The following PPP1R8 variants were observed in gnomAD, a reference collection of about 807,000 sequenced individuals.
The protein encoded by PPP1R8 is protein phosphatase 1 regulatory subunit 8.
PPP1R8 carries 4 observed loss-of-function variants against 31.3 expected under a neutral mutation model. That is an observed-to-expected ratio of 0.13 (90% CI 0.06 to 0.29). The LOEUF is 0.29. Ranked by LOEUF, PPP1R8 falls within the 10% of genes least tolerant of loss-of-function variation. PPP1R8 has a pLI of 1.00. For missense variants in PPP1R8, 254 were observed against 440.1 expected (o/e 0.58, Z 3.78); for synonymous variants, 170 against 169.7 (o/e 1.00, Z -0.01).
intron 1 of PPP1R8, among the ~76,000 whole-genome samples, 199 bp from the exon 2 acceptor site, chr1:27,832,557 G>A (rs765794814): frequency 2.0e-5 from 3 of 152,144 alleles, no homozygotes; most frequent in Non-Finnish European, 2.9e-5. Flanking sequence ...AAAATCTGTT[G>A]CAGAGCAATT....
chr1:27,847,461 C>T (rs1298868124), intron 6 of PPP1R8, among the ~76,000 whole-genome samples: 1 of 147,986 alleles, frequency 6.8e-6, no homozygotes, highest in South Asian at 2.1e-4. Context: ...GAGCTGAGGT[C>T]GCACCATTGC....
intron 3 of PPP1R8, among the ~76,000 whole-genome samples, chr1:27,840,071 A>G (rs184642412): frequency 8.5e-5 from 13 of 152,298 alleles, no homozygotes; most frequent in African/African-American, 2.9e-4. Flanking sequence ...AAAAATAAAA[A>G]TAAAATACTC....
intron 6 of PPP1R8, 126 bp downstream of exon 6, chr1:27,847,218 A>T: frequency 1.1e-6 from 1 of 923,744 alleles, no homozygotes; most frequent in South Asian, 1.4e-5. Flanking sequence ...AGAGGTCAAG[A>T]AATCGAGGCC....
At chr1:27,831,104 G>C (rs1435081194) in intron 1 of PPP1R8, 1 of 1,356,236 alleles carries the variant, frequency 7.4e-7, no homozygotes, top group Non-Finnish European at 9.4e-7. Context: ...CCCGGGGTTG[G>C]GGGCTCAAAG....
chr1:27,846,860 C>T (rs1003150243), intron 5 of PPP1R8, among the ~76,000 whole-genome samples, 168 bp from the exon 6 acceptor site: 3 of 152,244 alleles, frequency 2.0e-5, no homozygotes, highest in African/African-American at 7.2e-5. Context: ...GTACCTACAT[C>T]ACAGGGTCTT....
intron 1 of PPP1R8, among the ~76,000 whole-genome samples, chr1:27,831,917 CA>C (rs1186873736): frequency 1.3e-5 from 2 of 152,152 alleles, no homozygotes; most frequent in African/African-American, 4.8e-5. Context: ...TTAGCAAACC[CA>C]AAAAGCAAGC....
chr1:27,832,391 A>G (rs1377688268), intron 1 of PPP1R8, among the ~76,000 whole-genome samples: 1 of 152,178 alleles, frequency 6.6e-6, no homozygotes, highest in Non-Finnish European at 1.5e-5. Flanking sequence ...CGGTCTTTAT[A>G]TGATATTGGA....
In PPP1R8 at chr1:27,847,014, T is replaced by C. The variant is rs2089287718; in HGVS notation, c.638-14T>C. ...AAAGTACCAACCCAACCCTGCCCTCTTCTCTTTTTGCAGAGGATGTGGATC... is the reference window on the plus strand; with the variant it reads ...AAAGTACCAACCCAACCCTGCCCTCCTCTCTTTTTGCAGAGGATGTGGATC... On this transcript the variant is annotated splice_polypyrimidine_tract_variant and intron_variant, in intron 5 of 6. Transcript: ENST00000311772. 1 of 1,613,262 alleles carries C rather than the reference T, an allele frequency of 6.2e-7. No homozygotes were observed. Among genetic ancestry groups the C allele is most frequent in the African/African-American group, 1.3e-5 (1 of 74,916 alleles).
At chr1:27,845,286 A>T (rs1282558269) in intron 5 of PPP1R8, among the ~76,000 whole-genome samples, 1 of 150,488 alleles carries the variant, frequency 6.6e-6, no homozygotes, top group Non-Finnish European at 1.5e-5. Flanking sequence ...GCTACTTGGG[A>T]GGTTGAGGCA....
intron 2 of PPP1R8, among the ~76,000 whole-genome samples, chr1:27,836,312 T>TC (rs1255687413): frequency 1.9e-4 from 29 of 152,380 alleles, no homozygotes; most frequent in African/African-American, 6.5e-4. Flanking sequence ...GAGTCCTTCA[T>TC]CTATAACAGT....
rs747214295 is a variant in PPP1R8 at position 27,843,234 on chromosome 1, A to T, written c.541A>T (p.Thr181Ser). Reference sequence around the variant, plus strand: ...CCACAACAAGCGGATTTCTACCCTTACCATTGAGGAGGGAAATCTGGACAT... The same window carrying T: ...CCACAACAAGCGGATTTCTACCCTTTCCATTGAGGAGGGAAATCTGGACAT... The part of the protein sequence containing the change: ...TAHNKRISTL[T>S]IEEGNLDIQR... Residue 181 changes from threonine to serine, a missense_variant, in exon 5 of 7, where the codon ACC (threonine) becomes TCC (serine). Thr to Ser is a moderately conservative substitution (Grantham distance 58). This residue lies in a region of PPP1R8 where 29 missense variants were observed against 99.2 expected (regional missense o/e 0.29). Coordinates refer to ENST00000311772, the MANE Select transcript of PPP1R8 (RefSeq NM_014110.5). 6 of 1,614,194 alleles carry T rather than the reference A, an allele frequency of 3.7e-6. No homozygotes were observed. Among genetic ancestry groups the T allele is most frequent in the Non-Finnish European group, 5.1e-6 (6 of 1,180,034 alleles).
At chr1:27,844,914 T>TA (rs1553120487) in intron 5 of PPP1R8, among the ~76,000 whole-genome samples, 1 of 126,782 alleles carries the variant, frequency 7.9e-6, no homozygotes, top group Non-Finnish European at 1.7e-5. Context: ...TTTTTTTTTT[T>TA]AGTAGAGACG....
chr1:27,846,309 C>G (rs539520576), intron 5 of PPP1R8, among the ~76,000 whole-genome samples: 1 of 152,266 alleles, frequency 6.6e-6, no homozygotes, highest in Non-Finnish European at 1.5e-5. Flanking sequence ...CAGTCATCCC[C>G]TCTGTGCTCC....
intron 4 of PPP1R8, among the ~76,000 whole-genome samples, chr1:27,842,128 G>A (rs2089227835): frequency 6.6e-6 from 1 of 152,138 alleles, no homozygotes; most frequent in Admixed American, 6.5e-5. Flanking sequence ...ATCACCTGAG[G>A]TCAGGAGTTC....
At chr1:27,832,909 C>G in intron 2 of PPP1R8, 93 bp downstream of exon 2, 1 of 1,038,704 alleles carries the variant, frequency 9.6e-7, no homozygotes. Context: ...GCTTTGTTTT[C>G]CAGCAATGCT....
chr1:27,831,806 G>A (rs1338230981), intron 1 of PPP1R8, among the ~76,000 whole-genome samples: 1 of 152,198 alleles, frequency 6.6e-6, no homozygotes, highest in South Asian at 2.1e-4. Flanking sequence ...GCAGGATTGT[G>A]AGATGACTGT....
At chr1:27,835,227 A>C (rs955003763) in intron 2 of PPP1R8, among the ~76,000 whole-genome samples, 1 of 152,056 alleles carries the variant, frequency 6.6e-6, no homozygotes, top group Non-Finnish European at 1.5e-5. Flanking sequence ...CCTTCAGCAC[A>C]ATCTGTGAGC....
Position 27,850,465 on chromosome 1 carries a change from A to AGGGTGGGATT in PPP1R8, c.*28_*37dup. 1 of 476,846 alleles carries AGGGTGGGATT rather than the reference A, an allele frequency of 2.1e-6. No individual in the cohort carries two copies. The highest frequency in any genetic ancestry group is 4.3e-6 in the Non-Finnish European group (1 of 231,230). The allele number at this position is 476,846 out of a possible 1,614,324, so 29.5% of individuals were successfully genotyped here. ...GATTTGATATTTTTGGTCATGGAGA[A>AGGGTGGGATT]GGGTGGGATTGGGTGGGAATGGGGT... On this transcript the variant is annotated 3_prime_UTR_variant, in exon 7 of 7. Coordinates refer to ENST00000311772, the MANE Select transcript of PPP1R8 (RefSeq NM_014110.5).
chr1:27,841,117 T>C lies in PPP1R8; in HGVS notation c.375T>C (p.Thr125=). The C allele has an allele frequency of 6.2e-7, 1 of 1,614,100 alleles. No homozygotes were observed. Among genetic ancestry groups the C allele is most frequent in the Non-Finnish European group, 8.5e-7 (1 of 1,180,020 alleles). ...TTGGCGCATCCACAAGGGCATACAC[T>C]CTGCGCGAGAAGCCTCAGACATTGC... ...VSFGASTRAY[T]LREKPQTLPS... Residue 125 remains threonine, a synonymous_variant, in exon 4 of 7, where the codon ACT becomes ACC. Transcript: ENST00000311772.
Sources: gnomAD v4.1 joint callset for allele counts (sites outside exome capture counted in the v4.1 genomes callset) on GRCh38, gnomAD v4.1.1 for gene constraint, gnomAD v4.1.1 regional missense constraint, MANE v1.5 for transcripts, NCBI Gene and HGNC (gene_info 2026-07-23, HGNC 2026-07-21) for gene names.